FKTN: variants seen among roughly 807,000 people sequenced by gnomAD.
FKTN encodes ribitol-5-phosphate transferase FKTN.
FKTN carries 47 observed loss-of-function variants against 58.6 expected under a neutral mutation model. The observed-to-expected ratio is 0.80, with a 90% confidence interval of 0.63 to 1.02. The LOEUF is 1.02. FKTN is among the 50% of genes least tolerant of loss of function. FKTN has a pLI of 0.00. For missense variants in FKTN, 516 were observed against 537.3 expected (o/e 0.96, Z 0.39); for synonymous variants, 178 against 191.9 (o/e 0.93, Z 0.60).
chr9:105,576,195 T>G (rs1278143123), intron 3 of FKTN, among the ~76,000 whole-genome samples: 3 of 151,760 alleles, frequency 2.0e-5, no homozygotes, highest in Non-Finnish European at 4.4e-5. Context: ...ACTTTAAGTT[T>G]TAGGGTACAT....
chr9:105,614,076 G>C (rs1830393675), intron 7 of FKTN, among the ~76,000 whole-genome samples: 1 of 152,136 alleles, frequency 6.6e-6, no homozygotes, highest in Non-Finnish European at 1.5e-5. Context: ...AGGAGATGCA[G>C]ATGAGGCTGG....
chr9:105,567,612 G>A (rs979034433), intron 1 of FKTN, among the ~76,000 whole-genome samples: 1 of 152,116 alleles, frequency 6.6e-6, no homozygotes, highest in Non-Finnish European at 1.5e-5. Flanking sequence ...TTAAGGAGAA[G>A]TACAAACCAC....
chr9:105,620,897 A>G (rs1019600615), intron 10 of FKTN, among the ~76,000 whole-genome samples: 1 of 151,898 alleles, frequency 6.6e-6, no homozygotes, highest in Non-Finnish European at 1.5e-5. Flanking sequence ...TCAATATTAA[A>G]CTGTTACATC....
chr9:105,605,823 G>C (rs1828792685), intron 6 of FKTN, among the ~76,000 whole-genome samples: 1 of 152,072 alleles, frequency 6.6e-6, no homozygotes, highest in Non-Finnish European at 1.5e-5. Context: ...ATAAGACTGA[G>C]TATTTGCTAG....
chr9:105,607,998 G>T (rs370641384), intron 7 of FKTN, 47 bp downstream of exon 7: 33 of 1,548,602 alleles, frequency 2.1e-5, no homozygotes, highest in South Asian at 3.4e-5. Context: ...AAAATGTTGG[G>T]ATTATTTTTA....
At chr9:105,589,062 G>A (rs952580509) in intron 3 of FKTN, among the ~76,000 whole-genome samples, 2 of 152,194 alleles carry the variant, frequency 1.3e-5, no homozygotes, top group Non-Finnish European at 2.9e-5. Flanking sequence ...TTGCTCTCCA[G>A]AGACGGATTA....
chr9:105,619,945 C>T lies in FKTN; in HGVS notation c.1056C>T (p.Ser352=). ...CATCTTCCCCATAGGTAGAAGACAG[C>T]TTGGAACTATCCTTCCAGGGAAAAG... ...LKHKFGKVED[S]LELSFQGKDD... The change falls in exon 10 of 11, where the codon AGC becomes AGT. Residue 352 remains serine, a synonymous_variant. Coordinates refer to ENST00000357998, the MANE Select transcript of FKTN (RefSeq NM_001079802.2). The T allele has an allele frequency of 6.2e-7, 1 of 1,612,146 alleles. No individual in the cohort carries two copies. The highest frequency in any genetic ancestry group is 8.5e-7 in the Non-Finnish European group (1 of 1,178,554).
At chr9:105,603,292 C>T (rs1221304281) in intron 5 of FKTN, among the ~76,000 whole-genome samples, 2 of 152,134 alleles carry the variant, frequency 1.3e-5, no homozygotes, top group Non-Finnish European at 2.9e-5. Context: ...CTACCCTCCC[C>T]CTCAGTCAGT....
chr9:105,590,311 G>T (rs1844643943), intron 3 of FKTN, among the ~76,000 whole-genome samples: 1 of 152,136 alleles, frequency 6.6e-6, no homozygotes, highest in African/African-American at 2.4e-5. Context: ...CTGCTGCCAT[G>T]TAAGATATAC....
chr9:105,584,628 A>G (rs1843592901), intron 3 of FKTN, among the ~76,000 whole-genome samples: 1 of 152,014 alleles, frequency 6.6e-6, no homozygotes. Context: ...GAAACCAGCC[A>G]TGGCACCATG....
chr9:105,626,478 C>G (rs1244889312), intron 10 of FKTN, among the ~76,000 whole-genome samples: 2 of 152,142 alleles, frequency 1.3e-5, no homozygotes, highest in South Asian at 4.1e-4. Flanking sequence ...ACCCTCATGA[C>G]CTAATCACCT....
chr9:105,628,552 A>T (rs899425057), intron 10 of FKTN, among the ~76,000 whole-genome samples: 12 of 152,176 alleles, frequency 7.9e-5, no homozygotes, highest in Non-Finnish European at 1.5e-4. Flanking sequence ...ATTCTATAAG[A>T]TATTATATAG....
rs1440444772 is a variant in FKTN, at chr9:105,637,629, A to G, written c.*2365A>G. On this transcript the variant is annotated 3_prime_UTR_variant, in exon 11 of 11. Transcript: ENST00000357998. ...TGGATCACTTTTCTTTCATCACTTG[A>G]GTATTCTAGCAGTCATTCTCCTAAT... is the stretch of plus-strand genomic sequence containing the variant. 5.1e-6 allele frequency: 5 copies of G among 985,380 alleles called. No individual in the cohort carries two copies. The African/African-American group carries it at 8.7e-5, about 17-fold the overall frequency. 61.0% of individuals were successfully genotyped at this position (985,380 alleles called of 1,614,324 possible).
At chr9:105,614,032 A>G (rs1293028858) in intron 7 of FKTN, among the ~76,000 whole-genome samples, 2 of 152,186 alleles carry the variant, frequency 1.3e-5, no homozygotes, top group Non-Finnish European at 2.9e-5. Flanking sequence ...ATTGTGGTAT[A>G]TTTGGGGGTT....
intron 1 of FKTN, among the ~76,000 whole-genome samples, chr9:105,564,676 T>C (rs1839024785): frequency 6.6e-6 from 1 of 152,210 alleles, no homozygotes; most frequent in Non-Finnish European, 1.5e-5. Context: ...GTCCGATTGG[T>C]GTACCTGAAA....
At chr9:105,573,520 C>G (rs1268952268) in intron 1 of FKTN, 135 bp from the exon 2 acceptor site, 1 of 151,908 alleles carries the variant, frequency 6.6e-6, no homozygotes, top group African/African-American at 2.4e-5. Context: ...CATGGCTACT[C>G]AGGAGGCTGA....
intron 1 of FKTN, among the ~76,000 whole-genome samples, chr9:105,560,654 C>A (rs1016182582): frequency 6.6e-6 from 1 of 152,136 alleles, no homozygotes; most frequent in Non-Finnish European, 1.5e-5. Context: ...CATACATTCA[C>A]AATTTAAGTG....
chr9:105,611,871 T>A (rs1008916799), intron 7 of FKTN, among the ~76,000 whole-genome samples: 5 of 152,308 alleles, frequency 3.3e-5, no homozygotes, highest in African/African-American at 1.2e-4. Context: ...TACCTGATAA[T>A]GGAATTGCTG....
intron 8 of FKTN, among the ~76,000 whole-genome samples, chr9:105,616,803 C>T (rs954398086): frequency 4.0e-5 from 6 of 151,320 alleles, no homozygotes; most frequent in East Asian, 1.9e-4. Flanking sequence ...CTGGGATATA[C>T]GGTTATCCTA....
Sources: gnomAD v4.1 joint callset for allele counts (sites outside exome capture counted in the v4.1 genomes callset) on GRCh38, gnomAD v4.1.1 for gene constraint, MANE v1.5 for transcripts, NCBI Gene and HGNC (gene_info 2026-07-23, HGNC 2026-07-21) for gene names.